DPY19L1: variants seen among roughly 807,000 people sequenced by gnomAD.
DPY19L1 encodes the protein dpy-19 like C-mannosyltransferase 1.
In DPY19L1, 35 loss-of-function variants were observed where a neutral mutation model predicts 96.9. The ratio of observed to expected loss-of-function variants is 0.36; its 90% CI spans 0.28 to 0.48. The LOEUF (loss-of-function observed/expected upper bound fraction) is 0.48. Among genes scored for constraint, DPY19L1 ranks in the 20% least tolerant of loss-of-function variants. The pLI, the probability that DPY19L1 is intolerant of heterozygous loss-of-function variation, is 0.99. For synonymous variants in DPY19L1, 205 were observed against 252.6 expected, an observed-to-expected ratio of 0.81 and a Z score of 1.79; for missense variants, 521 against 777.9, an observed-to-expected ratio of 0.67 and a Z score of 3.93.
At chr7:34,941,329 A>C (rs567271000) in intron 18 of DPY19L1, among the ~76,000 whole-genome samples, 3 of 152,222 alleles carry the variant, frequency 2.0e-5, no homozygotes, top group Non-Finnish European at 4.4e-5. Flanking sequence ...ACTAAATTTT[A>C]AAAAGCACAA....
Position 34,968,818 on chromosome 7 carries a change from C to T in DPY19L1, c.1014+615G>A, listed in dbSNP as rs868686427. Reference sequence around the variant, plus strand: ...AAAGCAACTCTTCAACTGCTTTATACAAATATATCAGTACAATAAAAAAAA... The same window carrying T: ...AAAGCAACTCTTCAACTGCTTTATATAAATATATCAGTACAATAAAAAAAA... On this transcript the variant is annotated intron_variant, in intron 9 of 21. Transcript: ENST00000638088. Among the ~76,000 whole-genome samples, 4 of 88,200 alleles carry T rather than the reference C, an allele frequency of 4.5e-5. No homozygotes were observed. In the South Asian group the frequency reaches 1.7e-3, roughly 38 times the overall value. The allele number at this position is 88,200 out of a possible 152,430, so 57.9% of individuals were successfully genotyped here.
intron 6 of DPY19L1, among the ~76,000 whole-genome samples, chr7:35,009,048 C>G (rs1785637695): frequency 6.6e-6 from 1 of 152,198 alleles, no homozygotes; most frequent in Admixed American, 6.5e-5. Flanking sequence ...CCCAATTAAA[C>G]AAAAGAATTT....
At chr7:34,952,584 GA>G (rs2128785137) in intron 13 of DPY19L1, among the ~76,000 whole-genome samples, 1 of 152,140 alleles carries the variant, frequency 6.6e-6, no homozygotes, top group Admixed American at 6.5e-5. Context: ...ATCATTACAA[GA>G]AAACTACAAC....
intron 7 of DPY19L1, among the ~76,000 whole-genome samples, chr7:34,981,416 A>T (rs1220737807): frequency 1.3e-5 from 2 of 152,232 alleles, no homozygotes; most frequent in Non-Finnish European, 2.9e-5. Context: ...CAGTGGATGC[A>T]TAATCAGTTG....
chr7:34,962,146 G>A (rs1402335400), intron 10 of DPY19L1, among the ~76,000 whole-genome samples: 1 of 152,208 alleles, frequency 6.6e-6, no homozygotes, highest in East Asian at 1.9e-4. Flanking sequence ...GCATACAGAT[G>A]TTTACGGCAG....
At chr7:35,029,400 C>A (rs977902636) in intron 1 of DPY19L1, among the ~76,000 whole-genome samples, 1 of 152,118 alleles carries the variant, frequency 6.6e-6, no homozygotes, top group African/African-American at 2.4e-5. Context: ...GAATCTGCAT[C>A]TCTCCACTAG....
At chr7:34,992,190 A>T (rs1785184504) in intron 6 of DPY19L1, among the ~76,000 whole-genome samples, 1 of 151,936 alleles carries the variant, frequency 6.6e-6, no homozygotes, top group Admixed American at 6.6e-5. Flanking sequence ...GATAGGTGAA[A>T]ACCCTTTTCT....
At chr7:34,947,817 C>A (rs1308004068) in intron 14 of DPY19L1, 116 bp from the exon 15 acceptor site, 1 of 769,314 alleles carries the variant, frequency 1.3e-6, no homozygotes, top group Admixed American at 2.8e-5. Flanking sequence ...ATTCACCAAT[C>A]TACTCACTGA....
Position 34,984,148 on chromosome 7 carries a change from C to T in DPY19L1, c.822+5736G>A, listed in dbSNP as rs532205917. Among the ~76,000 whole-genome samples the T allele has an allele frequency of 3.3e-5, 5 of 152,268 alleles. No homozygotes were observed. In the East Asian group the frequency reaches 9.6e-4, roughly 29 times the overall value. ...GATAACATTTTTAGACAGACAAAAA[C>T]TAAGGGACTTATTGGCAGATCTTTA... is the stretch of plus-strand genomic sequence containing the variant. On this transcript the variant is annotated intron_variant, in intron 7 of 21. Transcript: ENST00000638088.
intron 3 of DPY19L1, among the ~76,000 whole-genome samples, chr7:35,014,389 T>C (rs944878623): frequency 8.3e-5 from 12 of 145,122 alleles, no homozygotes; most frequent in Non-Finnish European, 1.7e-4. Context: ...GGTGAAATAA[T>C]ATGTGAGACA....
In DPY19L1 at chr7:34,966,932, C is replaced by A; in HGVS notation, c.1054G>T (p.Asp352Tyr). The change falls in exon 10 of 22, where the codon GAT (aspartate) becomes TAT (tyrosine). Residue 352 changes from aspartate (D) to tyrosine (Y), a missense_variant. Coordinates refer to ENST00000638088, the MANE Select transcript of DPY19L1 (RefSeq NM_001366673.1). Reference protein sequence around the residue: ...LFAVYVVGYIDICKLRKIIYI... With the variant: ...LFAVYVVGYIYICKLRKIIYI... ...ATGATCTTCCGTAATTTACATATAT[C>A]AATGTACCCGACAACATATACTGCA... 1 of 1,544,690 alleles carries A rather than the reference C, an allele frequency of 6.5e-7. No homozygotes were observed. Among genetic ancestry groups the A allele is most frequent in the Non-Finnish European group, 8.7e-7 (1 of 1,146,880 alleles).
intron 11 of DPY19L1, 124 bp from the exon 12 acceptor site, chr7:34,955,491 C>T (rs1039163564): frequency 1.4e-5 from 17 of 1,229,914 alleles, no homozygotes; most frequent in African/African-American, 3.1e-5. Context: ...GGTTGACTTT[C>T]CACATACCAT....
intron 13 of DPY19L1, among the ~76,000 whole-genome samples, chr7:34,953,265 T>A (rs1354227045): frequency 6.6e-6 from 1 of 152,214 alleles, no homozygotes; most frequent in Non-Finnish European, 1.5e-5. Flanking sequence ...AAGTTACAAC[T>A]AAGTTATTTC....
At chr7:34,941,345 G>C (rs1458453592) in intron 18 of DPY19L1, among the ~76,000 whole-genome samples, 1 of 151,832 alleles carries the variant, frequency 6.6e-6, no homozygotes, top group African/African-American at 2.4e-5. Flanking sequence ...CACAAGTCAA[G>C]AATGTGCACA....
At chr7:34,961,631 A>AC (rs1236813172) in intron 10 of DPY19L1, among the ~76,000 whole-genome samples, 1 of 152,222 alleles carries the variant, frequency 6.6e-6, no homozygotes, top group African/African-American at 2.4e-5. Flanking sequence ...TTTATGAAAG[A>AC]AACAATTGAT....
At chr7:34,989,787 T>G (rs1785128294) in intron 7 of DPY19L1, 97 bp downstream of exon 7, 2 of 1,045,920 alleles carry the variant, frequency 1.9e-6, no homozygotes, top group Non-Finnish European at 2.7e-6. Context: ...ATCAAAATAA[T>G]AAGATCAAAC....
intron 16 of DPY19L1, among the ~76,000 whole-genome samples, chr7:34,944,838 G>A (rs1784108685): frequency 6.6e-6 from 1 of 152,126 alleles, no homozygotes; most frequent in East Asian, 1.9e-4. Flanking sequence ...CCCACTATAT[G>A]TTTTACTGTG....
At position 35,011,310 on chromosome 7, in the gene DPY19L1, T is replaced by C. The variant is rs771172675; in HGVS notation, c.670+20A>G. On this transcript the variant is annotated intron_variant, in intron 5 of 21. Transcript: ENST00000638088. ...TATGTTACAACAGATAACTGGACAA[T>C]ATTACAGAAAGAAACTTACCTTCAC... The C allele has an allele frequency of 1.3e-5, 21 of 1,610,030 alleles. No individual in the cohort carries two copies. In the East Asian group the frequency reaches 4.7e-4, roughly 36 times the overall value.
At chr7:34,965,419 T>C (rs1264653175) in intron 10 of DPY19L1, among the ~76,000 whole-genome samples, 1 of 152,136 alleles carries the variant, frequency 6.6e-6, no homozygotes, top group Non-Finnish European at 1.5e-5. Context: ...AATGTGAACA[T>C]TTAATAATAA....
Sources: allele counts gnomAD v4.1 joint callset (sites outside exome capture counted in the v4.1 genomes callset), GRCh38; gene constraint gnomAD v4.1.1; transcripts MANE v1.5; gene names NCBI Gene and HGNC (gene_info 2026-07-23, HGNC 2026-07-21).